TRPM3: variants seen among roughly 807,000 people sequenced by gnomAD.
TRPM3 encodes long transient receptor potential channel 3.
A neutral mutation model predicts 181.2 loss-of-function variants in TRPM3; 77 were observed. The ratio of observed to expected loss-of-function variants is 0.42; its 90% CI spans 0.35 to 0.51. The LOEUF (loss-of-function observed/expected upper bound fraction) is 0.51, where lower values mean the gene tolerates loss of function less well. TRPM3 is among the 20% of genes least tolerant of loss of function. The pLI, the probability that TRPM3 is intolerant of heterozygous loss-of-function variation, is 0.01. For missense variants in TRPM3, 1,759 were observed against 2,196.7 expected, an observed-to-expected ratio of 0.80 and a Z score of 3.98; for synonymous variants, 745 against 796.4, an observed-to-expected ratio of 0.94 and a Z score of 1.09.
In TRPM3 at chr9:71,327,965, T is replaced by C. The variant is rs974580716; in HGVS notation, c.183+118688A>G. 2.6e-5 allele frequency among the ~76,000 whole-genome samples: 4 copies of C among 151,982 alleles called. No homozygotes were observed. The South Asian group carries it at 8.3e-4, about 32-fold the overall frequency. ...CAGTTTGCCTGCTCCACACCATTAC[T>C]GGACTGGGTTCATTTGGGAGATGAA... On this transcript the variant is annotated intron_variant, in intron 1 of 24. Coordinates refer to the TRPM3 transcript ENST00000357533.
At chr9:70,820,779 T>C (rs2093098914) in intron 6 of TRPM3, among the ~76,000 whole-genome samples, 1 of 152,040 alleles carries the variant, frequency 6.6e-6, no homozygotes, top group Non-Finnish European at 1.5e-5. Context: ...TATCCCTAGC[T>C]TACAGATGGA....
chr9:71,198,602 G>C (rs1433285036), intron 1 of TRPM3, among the ~76,000 whole-genome samples: 2 of 151,658 alleles, frequency 1.3e-5, no homozygotes, highest in Admixed American at 1.3e-4. Flanking sequence ...CTTGTAAGTT[G>C]GATTCCTAGG....
chr9:71,095,758 CA>C (rs34934062), intron 1 of TRPM3, among the ~76,000 whole-genome samples: 1,945 of 85,272 alleles, frequency 0.023, 8 homozygotes, highest in African/African-American at 0.067. Context: ...GACTCTGTGT[CA>C]AAAAAAAAAA....
intron 1 of TRPM3, among the ~76,000 whole-genome samples, chr9:70,937,011 T>C (rs1442636981): frequency 1.3e-5 from 2 of 152,228 alleles, no homozygotes; most frequent in Non-Finnish European, 2.9e-5. Flanking sequence ...GCATAAATGA[T>C]TGTATACTTT....
intron 22 of TRPM3, among the ~76,000 whole-genome samples, chr9:70,571,924 C>T (rs1163097699): frequency 6.6e-6 from 1 of 152,150 alleles, no homozygotes; most frequent in Non-Finnish European, 1.5e-5. Context: ...CTCTCTGCCC[C>T]CTTGAAGCCT....
intron 1 of TRPM3, among the ~76,000 whole-genome samples, chr9:70,907,031 T>C (rs1056342385): frequency 1.3e-5 from 2 of 152,262 alleles, no homozygotes; most frequent in Non-Finnish European, 2.9e-5. Context: ...ACATTTGTTA[T>C]CTACTCTTGA....
chr9:71,305,200 T>A (rs1158436878), intron 1 of TRPM3, among the ~76,000 whole-genome samples: 1 of 152,216 alleles, frequency 6.6e-6, no homozygotes, highest in Non-Finnish European at 1.5e-5. Flanking sequence ...AGAAAATGAA[T>A]GGACAGAAAT....
At chr9:71,034,651 C>T (rs1480352356) in intron 1 of TRPM3, among the ~76,000 whole-genome samples, 1 of 151,862 alleles carries the variant, frequency 6.6e-6, no homozygotes, top group Non-Finnish European at 1.5e-5. Context: ...CATTTCTTCC[C>T]AATTCTGTGC....
At chr9:70,796,364 G>T (rs1443864684) in intron 6 of TRPM3, among the ~76,000 whole-genome samples, 1 of 152,172 alleles carries the variant, frequency 6.6e-6, no homozygotes. Context: ...ATGTTAATTT[G>T]CTTTTTTCAA....
At chr9:71,420,679 GAA>G (rs1310611454) in intron 1 of TRPM3, among the ~76,000 whole-genome samples, 2 of 107,826 alleles carry the variant, frequency 1.9e-5, no homozygotes, top group Non-Finnish European at 3.8e-5. Context: ...AAGAGAGAAA[GAA>G]AGAGAAAGGG....
At chr9:70,840,971 T>A (rs1250325314) in intron 5 of TRPM3, among the ~76,000 whole-genome samples, 1 of 152,154 alleles carries the variant, frequency 6.6e-6, no homozygotes, top group Non-Finnish European at 1.5e-5. Flanking sequence ...ACAGGAGAGA[T>A]CCTGAAGCTA....
chr9:70,749,120 C>A (rs924483914), intron 8 of TRPM3, among the ~76,000 whole-genome samples: 1 of 152,156 alleles, frequency 6.6e-6, no homozygotes, highest in African/African-American at 2.4e-5. Context: ...CACTTCTCAG[C>A]CTCCCATTAC....
intron 1 of TRPM3, among the ~76,000 whole-genome samples, chr9:71,114,239 C>T (rs1261066637): frequency 1.3e-5 from 2 of 152,160 alleles, no homozygotes; most frequent in Admixed American, 6.5e-5. Context: ...AACTCCTATG[C>T]ATGTCCCTCT....
chr9:71,402,001 G>A (rs145668426), intron 1 of TRPM3, among the ~76,000 whole-genome samples: 181 of 152,272 alleles, frequency 1.2e-3, no homozygotes, highest in Admixed American at 3.3e-3. Context: ...TGTGTAATCC[G>A]TAAATTGATG....
chr9:70,628,818 T>TAAAAA (rs10699305), intron 12 of TRPM3, among the ~76,000 whole-genome samples: 7,589 of 89,200 alleles, frequency 0.085, 342 homozygotes, highest in East Asian at 0.21. Flanking sequence ...GACTCTGTCT[T>TAAAAA]AAAAAAAAAA....
At chr9:70,607,200 T>G (rs1021124960) in intron 19 of TRPM3, among the ~76,000 whole-genome samples, 2 of 152,122 alleles carry the variant, frequency 1.3e-5, no homozygotes, top group Admixed American at 6.5e-5. Flanking sequence ...TATATGGAAA[T>G]GAAGTGTGTC....
intron 1 of TRPM3, among the ~76,000 whole-genome samples, chr9:71,032,055 AT>A (rs1321170542): frequency 0.065 from 3,594 of 55,336 alleles, 227 homozygotes; most frequent in Non-Finnish European, 0.096. Flanking sequence ...TATATTATAT[AT>A]ATTATATATA....
chr9:70,999,817 T>A (rs1008694189), intron 1 of TRPM3, among the ~76,000 whole-genome samples: 1 of 151,812 alleles, frequency 6.6e-6, no homozygotes, highest in Non-Finnish European at 1.5e-5. Flanking sequence ...CCATCTAAAA[T>A]ATCCACACAG....
intron 25 of TRPM3, among the ~76,000 whole-genome samples, chr9:70,539,426 T>A (rs1016564828): frequency 6.6e-6 from 1 of 151,610 alleles, no homozygotes; most frequent in Non-Finnish European, 1.5e-5. Context: ...TCAGCTTCCC[T>A]TCACCCAGCC....
Sources: gnomAD v4.1 joint callset for allele counts (sites outside exome capture counted in the v4.1 genomes callset) on GRCh38, gnomAD v4.1.1 for gene constraint, MANE v1.5 for transcripts, NCBI Gene and HGNC (gene_info 2026-07-23, HGNC 2026-07-21) for gene names.